The following SYNE1 variants were observed in gnomAD, a reference collection of about 807,000 sequenced individuals.
SYNE1 encodes spectrin repeat containing nuclear envelope protein 1, also known as nesprin-1.
SYNE1 carries 616 observed loss-of-function variants against 1,111.0 expected under a neutral mutation model. That is an observed-to-expected ratio of 0.55 (90% CI 0.52 to 0.59). SYNE1 has a LOEUF of 0.59. Ranked by LOEUF, SYNE1 falls within the 20% of genes least tolerant of loss-of-function variation. The pLI is 0.00. For synonymous variants in SYNE1, 3,855 were observed against 3,825.8 expected, an observed-to-expected ratio of 1.01 and a Z score of -0.28; for missense variants, 10,006 against 10,417.0, an observed-to-expected ratio of 0.96 and a Z score of 1.72.
At position 152,236,199 on chromosome 6, in the gene SYNE1, T is replaced by C; in HGVS notation, c.20304A>G (p.Gln6768=). 1 of 1,614,198 alleles carries C rather than the reference T, an allele frequency of 6.2e-7. No individual in the cohort carries two copies. The highest frequency in any genetic ancestry group is 8.5e-7 in the Non-Finnish European group (1 of 1,180,014). ...GCCAGCACTCTCCAAGTTGATTTAG[T>C]TGGCTTTCTAGATCTGAGCAGCTGA... The part of the protein sequence containing the change: ...ISISCSDLES[Q]LNQLGECWLS... The change falls in exon 110 of 146, where the codon CAA becomes CAG. Residue 6768 remains glutamine, a synonymous_variant. Transcript: ENST00000367255.
At chr6:152,290,673 C>T (rs1195296712) in intron 95 of SYNE1, among the ~76,000 whole-genome samples, 1 of 152,036 alleles carries the variant, frequency 6.6e-6, no homozygotes, top group Non-Finnish European at 1.5e-5. Context: ...TAGGTTACCT[C>T]CTTAAAAAAA....
At chr6:152,406,977 T>G in intron 45 of SYNE1, 37 bp downstream of exon 45, 1 of 1,582,188 alleles carries the variant, frequency 6.3e-7, no homozygotes, top group Non-Finnish European at 8.6e-7. Flanking sequence ...GTCAACAATA[T>G]GCCACCAGCT....
chr6:152,498,671 G>A, intron 11 of SYNE1, 71 bp downstream of exon 11: 2 of 1,068,230 alleles, frequency 1.9e-6, no homozygotes, highest in South Asian at 3.2e-5. Context: ...ACATGCAAGG[G>A]AATGACTAAA....
chr6:152,191,609 T>A (rs2072408356), intron 127 of SYNE1, among the ~76,000 whole-genome samples: 2 of 152,174 alleles, frequency 1.3e-5, no homozygotes, highest in Admixed American at 6.5e-5. Flanking sequence ...TTCTGTGGTA[T>A]TGGTTGTAAT....
At chr6:152,521,374 G>A (rs2099138503) in intron 5 of SYNE1, among the ~76,000 whole-genome samples, 1 of 152,142 alleles carries the variant, frequency 6.6e-6, no homozygotes, top group South Asian at 2.1e-4. Context: ...GTACCTGAGA[G>A]TAGAATTGCT....
intron 127 of SYNE1, among the ~76,000 whole-genome samples, chr6:152,199,928 A>C (rs1395497810): frequency 6.6e-6 from 1 of 152,240 alleles, no homozygotes; most frequent in Non-Finnish European, 1.5e-5. Flanking sequence ...GAGATAAAAA[A>C]TGACGCCCCA....
chr6:152,280,448 T>C (rs762098528), intron 97 of SYNE1, among the ~76,000 whole-genome samples: 24 of 152,198 alleles, frequency 1.6e-4, no homozygotes, highest in Non-Finnish European at 3.2e-4. Flanking sequence ...GTAATTTTTT[T>C]TTAAGCTCAT....
intron 6 of SYNE1, among the ~76,000 whole-genome samples, chr6:152,516,402 T>C (rs1272477127): frequency 6.6e-6 from 1 of 152,230 alleles, no homozygotes; most frequent in Non-Finnish European, 1.5e-5. Flanking sequence ...AAAACAAGTC[T>C]TCTTTATAAA....
At chr6:152,363,287 G>T (rs1464691748) in intron 63 of SYNE1, among the ~76,000 whole-genome samples, 1 of 147,302 alleles carries the variant, frequency 6.8e-6, no homozygotes, top group Non-Finnish European at 1.5e-5. Context: ...GAGGTCAGGA[G>T]ATCAAGGCCA....
chr6:152,548,678 A>G (rs1484253058), intron 3 of SYNE1, among the ~76,000 whole-genome samples: 3 of 152,190 alleles, frequency 2.0e-5, no homozygotes, highest in Non-Finnish European at 4.4e-5. Flanking sequence ...AGAATGGATG[A>G]ATGTACTTTC....
At chr6:152,260,397 A>C (rs746403841) in intron 101 of SYNE1, among the ~76,000 whole-genome samples, 11 of 152,146 alleles carry the variant, frequency 7.2e-5, no homozygotes, top group Non-Finnish European at 1.5e-4. Flanking sequence ...AGGTCCACGC[A>C]AAAAGTATAG....
At position 152,416,437 on chromosome 6, in the gene SYNE1, C is replaced by T. The variant is rs1323912535; in HGVS notation, c.6000G>A (p.Arg2000=). The T allele has an allele frequency of 6.2e-7, 1 of 1,614,034 alleles. No homozygotes were observed. Among genetic ancestry groups the T allele is most frequent in the African/African-American group, 1.3e-5 (1 of 74,906 alleles). The change falls in exon 41 of 146, where the codon AGG becomes AGA. Residue 2000 remains arginine (R), a synonymous_variant. Coordinates refer to ENST00000367255, the MANE Select transcript of SYNE1 (RefSeq NM_182961.4). ...GTTCTTTCAATCGCTCTTTGTCAGT[C>T]CTTTCTTCAATGTCCTCAATGCTTT... ...LLKSIEDIEE[R]TDKERLKEPT...
At chr6:152,436,173 T>C (rs2098472428) in intron 32 of SYNE1, 72 bp from the exon 33 acceptor site, 5 of 1,516,580 alleles carry the variant, frequency 3.3e-6, no homozygotes, top group Non-Finnish European at 2.7e-6. Context: ...AAAGTGCACA[T>C]ATTGCATACA....
chr6:152,284,236 T>C, intron 95 of SYNE1, 64 bp from the exon 96 acceptor site: 1 of 1,528,820 alleles, frequency 6.5e-7, no homozygotes, highest in South Asian at 1.1e-5. Flanking sequence ...TCATTAGCAC[T>C]AGCTGAGTCT....
At chr6:152,448,150 C>T (rs2098608278) in intron 28 of SYNE1, among the ~76,000 whole-genome samples, 1 of 152,164 alleles carries the variant, frequency 6.6e-6, no homozygotes, top group African/African-American at 2.4e-5. Context: ...CTTTTAGAAG[C>T]CAGTATCCCA....
rs886043963 is a variant in SYNE1 at position 152,344,185 on chromosome 6, G to A, written c.12121C>T (p.Arg4041Ter). The A allele has an allele frequency of 4.3e-6, 7 of 1,614,160 alleles. No homozygotes were observed. The highest frequency in any genetic ancestry group is 5.9e-6 in the Non-Finnish European group (7 of 1,180,034). Residue 4041 changes from arginine (R) to a stop codon, truncating the protein, a stop_gained, in exon 74 of 146, where the codon CGA (arginine) becomes TGA (stop). Transcript: ENST00000367255. LOFTEE classifies it high-confidence loss of function. Reference protein sequence around the residue: ...LEHELQKHVSRQDTLQQCQAW... With the variant: ...LEHELQKHVS The stretch of plus-strand genomic sequence containing the variant: ...TGGCACTGCTGCAGGGTGTCTTGTC[G>A]GCTGACGTGCTTCTGAAGTTCGTGT...
At chr6:152,409,821 G>C in intron 42 of SYNE1, 112 bp from the exon 43 acceptor site, 1 of 1,132,016 alleles carries the variant, frequency 8.8e-7, no homozygotes. Flanking sequence ...ACTCATAGAC[G>C]GATTCCTACA....
chr6:152,166,902 T>C (rs1016522703), intron 130 of SYNE1, among the ~76,000 whole-genome samples: 2 of 152,204 alleles, frequency 1.3e-5, no homozygotes, highest in Non-Finnish European at 2.9e-5. Context: ...ACAGGGATCA[T>C]TCTTTTTTTT....
intron 6 of SYNE1, among the ~76,000 whole-genome samples, chr6:152,518,527 C>T (rs775848404): frequency 6.6e-6 from 1 of 151,994 alleles, no homozygotes; most frequent in Non-Finnish European, 1.5e-5. Flanking sequence ...GAGGCCTCTC[C>T]GGAAACTGAT....
Sources: gnomAD v4.1 joint callset for allele counts (sites outside exome capture counted in the v4.1 genomes callset) on GRCh38, gnomAD v4.1.1 for gene constraint, MANE v1.5 for transcripts, NCBI Gene and HGNC (gene_info 2026-07-23, HGNC 2026-07-21) for gene names.